The following WASHC5 variants were observed in gnomAD, a reference collection of about 807,000 sequenced individuals.
WASHC5 encodes WASH complex subunit strumpellin.
Under a neutral mutation model 150.4 loss-of-function variants are expected in WASHC5, and 101 were observed. That is an observed-to-expected ratio of 0.67 (90% confidence interval 0.57 to 0.79). The LOEUF (loss-of-function observed/expected upper bound fraction) is 0.79. Among genes scored for constraint, WASHC5 ranks in the 30% least tolerant of loss-of-function variants. The pLI, the probability that WASHC5 is intolerant of heterozygous loss-of-function variation, is 0.00. For missense variants in WASHC5, 1,195 were observed against 1,396.3 expected (o/e 0.86, Z 2.30); for synonymous variants, 467 against 491.2 (o/e 0.95, Z 0.65).
rs34684600 is a variant in WASHC5, at chr8:125,052,609, T to TACACACACACACACACAC, written c.2098-1962_2098-1945dup. 2.6e-3 allele frequency among the ~76,000 whole-genome samples: 363 copies of TACACACACACACACACAC among 141,840 alleles called. 2 individuals are homozygous for TACACACACACACACACAC. Among genetic ancestry groups the TACACACACACACACACAC allele is most frequent in the East Asian group, 0.012 (62 of 4,986 alleles). The allele number at this position is 141,840 out of a possible 152,430, so 93.1% of individuals were successfully genotyped here. On this transcript the variant is annotated intron_variant, in intron 17 of 28. Transcript: ENST00000318410. ...TTGCATGCATGTATATCACACACAC[T>TACACACACACACACACAC]ACACACACACACACACACACACACA...
At chr8:125,079,055 T>C (rs1049213204) in intron 5 of WASHC5, 125 bp from the exon 6 acceptor site, 13 of 700,660 alleles carry the variant, frequency 1.9e-5, no homozygotes. Context: ...CACAGGTCCA[T>C]CTATATCCTC....
Position 125,061,131 on chromosome 8 carries a change from G to A in WASHC5, c.1472C>T (p.Ser491Phe). 1 of 1,612,878 alleles carries A rather than the reference G, an allele frequency of 6.2e-7. No homozygotes were observed. The highest frequency in any genetic ancestry group is 8.5e-7 in the Non-Finnish European group (1 of 1,178,982). ...KQILSLNYDD[S>F]TAAGRKTVQL... ...TACAGTTTTTCTGCCCGCAGCAGTA[G>A]AATCATCATAATTTAAAGACAATAT... The change falls in exon 12 of 29, where the codon TCT (serine) becomes TTT (phenylalanine). Residue 491 changes from serine to phenylalanine, a missense_variant. This residue lies in a region of WASHC5 where 997 missense variants were observed against 1,168.1 expected (regional missense o/e 0.85). Transcript: ENST00000318410.
chr8:125,034,407 G>A (rs185167640), intron 26 of WASHC5, among the ~76,000 whole-genome samples: 27 of 152,242 alleles, frequency 1.8e-4, no homozygotes, highest in Non-Finnish European at 3.1e-4. Context: ...TCAGGTGGCC[G>A]AGGCAGAACT....
chr8:125,061,479 G>A (rs1403435034), intron 11 of WASHC5, among the ~76,000 whole-genome samples: 1 of 152,120 alleles, frequency 6.6e-6, no homozygotes, highest in Admixed American at 6.5e-5. Context: ...GAGTTGGAAA[G>A]GAACTGAAGG....
chr8:125,027,310 C>A (rs1317867383), intron 28 of WASHC5, among the ~76,000 whole-genome samples: 4 of 152,178 alleles, frequency 2.6e-5, no homozygotes, highest in Non-Finnish European at 4.4e-5. Context: ...AAAAAAGATA[C>A]CTGCACATGC....
intron 1 of WASHC5, among the ~76,000 whole-genome samples, chr8:125,088,438 G>A (rs541585831): frequency 4.0e-5 from 6 of 150,964 alleles, no homozygotes; most frequent in Non-Finnish European, 8.9e-5. Flanking sequence ...AAAAAAAAAG[G>A]GGGAGGGGGG....
chr8:125,083,668 T>A (rs371130571), intron 2 of WASHC5, 45 bp downstream of exon 2: 2 of 1,484,254 alleles, frequency 1.3e-6, no homozygotes, highest in Non-Finnish European at 1.9e-6. Flanking sequence ...GAAAACACGC[T>A]TTTGTAGAAA....
intron 14 of WASHC5, among the ~76,000 whole-genome samples, chr8:125,058,484 C>T (rs1816483801): frequency 2.6e-5 from 4 of 151,978 alleles, no homozygotes; most frequent in Admixed American, 2.6e-4. Flanking sequence ...TGGGGGCTCA[C>T]ACCTGTAATC....
intron 24 of WASHC5, 103 bp downstream of exon 24, chr8:125,039,692 C>T (rs1446001896): frequency 1.3e-6 from 1 of 795,364 alleles, no homozygotes; most frequent in Non-Finnish European, 2.2e-6. Flanking sequence ...TTCAGACCTT[C>T]CACCCAAAAA....
At chr8:125,083,048 CTA>C in intron 3 of WASHC5, 63 bp downstream of exon 3, 3 of 1,044,642 alleles carry the variant, frequency 2.9e-6, no homozygotes, top group Non-Finnish European at 4.4e-6. Context: ...TTACACGTTG[CTA>C]TGTGTCCTTT....
intron 3 of WASHC5, 47 bp downstream of exon 3, chr8:125,083,066 C>T (rs1358130423): frequency 8.0e-7 from 1 of 1,255,412 alleles, no homozygotes; most frequent in East Asian, 2.3e-5. Context: ...CCTTTTCCCT[C>T]TCCACTATTT....
In WASHC5 at chr8:125,061,771, G is replaced by A. The variant is rs531569132; in HGVS notation, c.1409-577C>T. ...TTTCATACAGTAGAGAAAGAGAAGG[G>A]TGTCCACATGCTCTGATTACCCTCA... On this transcript the variant is annotated intron_variant, in intron 11 of 28. Coordinates refer to ENST00000318410, the MANE Select transcript of WASHC5 (RefSeq NM_014846.4). Among the ~76,000 whole-genome samples the A allele has an allele frequency of 2.6e-5, 4 of 152,254 alleles. No homozygotes were observed. The South Asian group carries it at 8.3e-4, about 32-fold the overall frequency.
chr8:125,026,266 C>T (rs1362641802), intron 28 of WASHC5, among the ~76,000 whole-genome samples: 1 of 152,088 alleles, frequency 6.6e-6, no homozygotes, highest in Non-Finnish European at 1.5e-5. Flanking sequence ...TTTGCCCTTC[C>T]CCTGCTTTTT....
Position 125,076,400 on chromosome 8 carries a change from G to A in WASHC5, c.812C>T (p.Thr271Ile), listed in dbSNP as rs1411616706. Residue 271 changes from threonine (T) to isoleucine (I), a missense_variant, in exon 7 of 29, where the codon ACC becomes ATC. Around this residue, in one of 3 missense-constraint regions of WASHC5, gnomAD observed 997 missense variants for 1,168.1 expected, o/e 0.85. Coordinates refer to ENST00000318410, the MANE Select transcript of WASHC5 (RefSeq NM_014846.4). ...TATCTCTCTCATTTTTGCTTGATGG[G>A]TGTGAAGGATGGAAGGCTCAAAGTA... ...ILYFEPSILHTHQAKMREIVD... is the reference protein window; with the variant it reads ...ILYFEPSILHIHQAKMREIVD... 6.2e-7 allele frequency: 1 copy of A among 1,613,864 alleles called. No homozygotes were observed. The highest frequency in any genetic ancestry group is 2.2e-5 in the East Asian group (1 of 44,866).
chr8:125,085,760 G>C (rs1817401732), intron 1 of WASHC5, among the ~76,000 whole-genome samples: 1 of 152,182 alleles, frequency 6.6e-6, no homozygotes, highest in South Asian at 2.1e-4. Flanking sequence ...AGAAGGCGAA[G>C]GGCAACTGGA....
intron 5 of WASHC5, among the ~76,000 whole-genome samples, chr8:125,081,314 T>C (rs552556501): frequency 6.6e-6 from 1 of 150,414 alleles, no homozygotes; most frequent in African/African-American, 2.4e-5. Context: ...CTTCGCTCAC[T>C]GCAACCTTCG....
chr8:125,059,691 G>A (rs905551052), intron 12 of WASHC5, 149 bp from the exon 13 acceptor site: 1 of 654,418 alleles, frequency 1.5e-6, no homozygotes, highest in Non-Finnish European at 2.6e-6. Flanking sequence ...AGAAACGTGA[G>A]CCAAGCTATT....
chr8:125,076,214 T>A, intron 7 of WASHC5, 134 bp downstream of exon 7: 1 of 797,536 alleles, frequency 1.3e-6, no homozygotes, highest in South Asian at 1.5e-5. Context: ...CTCAATACAG[T>A]TAGAGCAAGT....
At chr8:125,062,215 TA>T (rs2130113408) in intron 11 of WASHC5, among the ~76,000 whole-genome samples, 1 of 152,276 alleles carries the variant, frequency 6.6e-6, no homozygotes, top group Non-Finnish European at 1.5e-5. Flanking sequence ...TCCACCTTTG[TA>T]CCTTCAGCAA....
Sources: gnomAD v4.1 joint callset for allele counts (sites outside exome capture counted in the v4.1 genomes callset) on GRCh38, gnomAD v4.1.1 for gene constraint, gnomAD v4.1.1 regional missense constraint, MANE v1.5 for transcripts, NCBI Gene and HGNC (gene_info 2026-07-23, HGNC 2026-07-21) for gene names.